Variants in TXNRD1 observed in about 807,000 individuals in gnomAD.
The protein encoded by TXNRD1 is thioredoxin reductase 1, cytoplasmic.
TXNRD1 carries 57 observed loss-of-function variants against 80.3 expected under a neutral mutation model. That is an observed-to-expected ratio of 0.71 (90% CI 0.57 to 0.89). The LOEUF is 0.89. TXNRD1 is among the 40% of genes least tolerant of loss of function. The pLI is 0.00. For synonymous variants in TXNRD1, 291 were observed against 285.2 expected (o/e 1.02, Z -0.20); for missense variants, 730 against 803.0 (o/e 0.91, Z 1.10).
At position 104,259,558 on chromosome 12, in the gene TXNRD1, C is replaced by T. The variant is rs771804011; in HGVS notation, c.304+1479C>T. 7.7e-5 allele frequency among the ~76,000 whole-genome samples: 11 copies of T among 143,514 alleles called. 1 individual carries two copies. Among genetic ancestry groups the T allele is most frequent in the Non-Finnish European group, 1.2e-4 (8 of 66,828 alleles). The allele number at this position is 143,514 out of a possible 152,430, so 94.2% of individuals were successfully genotyped here. On this transcript the variant is annotated intron_variant, in intron 3 of 16. Coordinates refer to ENST00000525566, the MANE Select transcript of TXNRD1 (RefSeq NM_001093771.3). Reference sequence around the variant, plus strand: ...CCAGGCTGGAGTGCAATGGTGCGATCTCAGCTCACCGCAACCTCCGCCTCC... The same window carrying T: ...CCAGGCTGGAGTGCAATGGTGCGATTTCAGCTCACCGCAACCTCCGCCTCC...
In TXNRD1 at chr12:104,251,673, A is replaced by G. The variant is rs1193538978; in HGVS notation, c.238A>G (p.Thr80Ala). 6.2e-7 allele frequency: 1 copy of G among 1,613,492 alleles called. No individual in the cohort carries two copies. The highest frequency in any genetic ancestry group is 1.1e-5 in the South Asian group (1 of 90,934). Reference sequence around the variant, plus strand: ...CAGTAGGTCCACATGCACACGCTGTACTGAGGTAAGGCTTTAAACTCAAGG... The same window carrying G: ...CAGTAGGTCCACATGCACACGCTGTGCTGAGGTAAGGCTTTAAACTCAAGG... ...IFSRSTCTRC[T>A]EVKKLFKSLC... Residue 80 changes from threonine (T) to alanine (A), a missense_variant, in exon 2 of 17, where the codon ACT becomes GCT. By Grantham distance (58) the Thr-to-Ala change is moderately conservative (BLOSUM62 0). Transcript: ENST00000525566.
intron 13 of TXNRD1, among the ~76,000 whole-genome samples, chr12:104,331,094 T>G (rs181405006): frequency 5.6e-4 from 85 of 152,148 alleles, no homozygotes; most frequent in Non-Finnish European, 4.1e-4. Flanking sequence ...AAAGGTGGGA[T>G]TATTGGGCCA....
chr12:104,312,745 G>A (rs1316865867), intron 5 of TXNRD1, among the ~76,000 whole-genome samples: 2 of 152,102 alleles, frequency 1.3e-5, no homozygotes, highest in South Asian at 2.1e-4. Flanking sequence ...GAAAATTTTA[G>A]GAAATCTTGT....
chr12:104,295,851 GT>G (rs2034419472), intron 4 of TXNRD1, among the ~76,000 whole-genome samples: 1 of 152,166 alleles, frequency 6.6e-6, no homozygotes, highest in African/African-American at 2.4e-5. Context: ...CTTTATGCCT[GT>G]GGTCCCAGGC....
At chr12:104,336,022 A>G (rs866802496) in intron 15 of TXNRD1, among the ~76,000 whole-genome samples, 5 of 152,276 alleles carry the variant, frequency 3.3e-5, no homozygotes, top group African/African-American at 1.2e-4. Context: ...TTTTTAGGCA[A>G]ATTTTCTCAA....
At chr12:104,277,288 T>C (rs2135731032) in intron 3 of TXNRD1, among the ~76,000 whole-genome samples, 1 of 148,470 alleles carries the variant, frequency 6.7e-6, no homozygotes, top group Admixed American at 6.7e-5. Context: ...TAGTACCAGC[T>C]ACTAGGGAGG....
chr12:104,347,727 A>T (rs571732993), intron 16 of TXNRD1, among the ~76,000 whole-genome samples: 1 of 152,338 alleles, frequency 6.6e-6, no homozygotes, highest in African/African-American at 2.4e-5. Context: ...TGAATACTAC[A>T]ATATACACCA....
intron 4 of TXNRD1, among the ~76,000 whole-genome samples, chr12:104,290,720 C>CATACATATATATAT (rs1168559341): frequency 1.8e-5 from 1 of 55,874 alleles, no homozygotes; most frequent in Non-Finnish European, 3.4e-5. Context: ...AAGAAATATA[C>CATACATATATATAT]ATATATATAT....
intron 1 of TXNRD1, among the ~76,000 whole-genome samples, chr12:104,242,998 A>G (rs1252445635): frequency 2.0e-5 from 3 of 152,210 alleles, no homozygotes; most frequent in East Asian, 1.9e-4. Flanking sequence ...GGACCCCAAC[A>G]TAACTAAGGT....
intron 16 of TXNRD1, chr12:104,346,082 A>C: frequency 2.1e-6 from 2 of 973,942 alleles, no homozygotes; most frequent in South Asian, 1.3e-5. Flanking sequence ...GTGTGATCTC[A>C]GTTCACTGCA....
chr12:104,228,958 A>AT (rs2032540613), intron 1 of TXNRD1, among the ~76,000 whole-genome samples: 1 of 151,354 alleles, frequency 6.6e-6, no homozygotes, highest in African/African-American at 2.4e-5. Context: ...TGACCTGGTG[A>AT]TCCCCCCGCC....
chr12:104,268,142 A>C (rs2033574296), intron 3 of TXNRD1, among the ~76,000 whole-genome samples: 1 of 150,110 alleles, frequency 6.7e-6, no homozygotes, highest in Admixed American at 6.6e-5. Context: ...GGTGTGAGCC[A>C]CTTGGACCCG....
At chr12:104,290,753 ATATATG>A (rs200398992) in intron 4 of TXNRD1, among the ~76,000 whole-genome samples, 4 of 113,972 alleles carry the variant, frequency 3.5e-5, no homozygotes, top group African/African-American at 6.8e-5. Context: ...ATATATATAT[ATATATG>A]TATATTTCTT....
At chr12:104,260,216 C>G (rs917267563) in intron 3 of TXNRD1, among the ~76,000 whole-genome samples, 2 of 152,064 alleles carry the variant, frequency 1.3e-5, no homozygotes, top group Admixed American at 6.5e-5. Context: ...GCCTCTAATC[C>G]CAGCACTTTG....
rs747774973 is a variant in TXNRD1 at position 104,241,937 on chromosome 12, A to ATTTTTTTTTT, written c.92-9578_92-9569dup. 3.8e-3 allele frequency among the ~76,000 whole-genome samples: 364 copies of ATTTTTTTTTT among 96,014 alleles called. 6 individuals carry two copies. The highest frequency in any genetic ancestry group is 4.2e-3 in the Non-Finnish European group (228 of 53,732). 63.0% of individuals were successfully genotyped at this position (96,014 alleles called of 152,430 possible). On this transcript the variant is annotated intron_variant, in intron 1 of 16. Transcript: ENST00000525566. ...ACATCTTTTATTTTTTATACTAATG[A>ATTTTTTTTTT]TTTTTTTTTTTTTTTTTTTTTGAGA...
chr12:104,216,381 G>A (rs765662343), intron 1 of TXNRD1, among the ~76,000 whole-genome samples: 1 of 152,120 alleles, frequency 6.6e-6, no homozygotes, highest in Non-Finnish European at 1.5e-5. Context: ...AATCTTGTCC[G>A]ACACGCCTTC....
At chr12:104,276,157 G>A (rs1037131103) in intron 3 of TXNRD1, among the ~76,000 whole-genome samples, 1 of 152,146 alleles carries the variant, frequency 6.6e-6, no homozygotes, top group Non-Finnish European at 1.5e-5. Flanking sequence ...TGGCTTAAAC[G>A]GCCCTGAATA....
Position 104,291,325 on chromosome 12 carries a change from C to T in TXNRD1, c.414+2285C>T, listed in dbSNP as rs539332562. On this transcript the variant is annotated intron_variant, in intron 4 of 16. Coordinates refer to ENST00000525566, the MANE Select transcript of TXNRD1 (RefSeq NM_001093771.3). ...AAGCGATTTTCCTGCCTCAGCCTCC[C>T]GAGTAGCTGGGATTACAGGCACACG... Among the ~76,000 whole-genome samples, 149 of 150,416 alleles carry T rather than the reference C, an allele frequency of 9.9e-4. 1 individual carries two copies. The highest frequency in any genetic ancestry group is 3.2e-3 in the African/African-American group (132 of 40,844).
Position 104,315,765 on chromosome 12 carries a change from A to G in TXNRD1, c.611-12A>G. On this transcript the variant is annotated splice_polypyrimidine_tract_variant and intron_variant, in intron 6 of 16. Coordinates refer to ENST00000525566, the MANE Select transcript of TXNRD1 (RefSeq NM_001093771.3). The stretch of plus-strand genomic sequence containing the variant: ...AAGCAGGTTATAAACTGATTTCTCA[A>G]TGTTGTTGTAGGTCTCGGAGGAACA... 2 of 1,608,958 alleles carry G rather than the reference A, an allele frequency of 1.2e-6. No homozygotes were observed. Among genetic ancestry groups the G allele is most frequent in the Non-Finnish European group, 1.7e-6 (2 of 1,176,992 alleles).
Sources: allele counts gnomAD v4.1 joint callset (sites outside exome capture counted in the v4.1 genomes callset), GRCh38; gene constraint gnomAD v4.1.1; transcripts MANE v1.5; gene names NCBI Gene and HGNC (gene_info 2026-07-23, HGNC 2026-07-21).